SKI: variants seen among roughly 807,000 people sequenced by gnomAD.
The protein encoded by SKI is ski oncogene.
Under a neutral mutation model 59.3 loss-of-function variants are expected in SKI, and 23 were observed. The ratio of observed to expected loss-of-function variants is 0.39; its 90% CI spans 0.28 to 0.55. The LOEUF (loss-of-function observed/expected upper bound fraction) is 0.55, where lower values mean the gene tolerates loss of function less well. Among genes scored for constraint, SKI ranks in the 20% least tolerant of loss-of-function variants. The pLI, the probability that SKI is intolerant of heterozygous loss-of-function variation, is 0.67. For missense variants in SKI, 1,017 were observed against 1,038.9 expected (o/e 0.98, Z 0.29); for synonymous variants, 673 against 488.6 (o/e 1.38, Z -4.98).
chr1:2,303,785 T>C lies in SKI; in HGVS notation c.1212-55T>C. The C allele has an allele frequency of 6.2e-7, 1 of 1,603,508 alleles. No individual in the cohort carries two copies. Among genetic ancestry groups the C allele is most frequent in the Non-Finnish European group, 8.5e-7 (1 of 1,175,836 alleles). On this transcript the variant is annotated intron_variant, in intron 3 of 6. Transcript: ENST00000378536. This position sits in a 1 kb window ranked among gnomAD's most constrained non-coding sequence, Gnocchi z 5.6. ...CAGAGGGGGTGTGCGCCAGGATGTG[T>C]CTGGGTGGTGCTTGGGGACAGAGGC...
chr1:2,299,484 C>T (rs1027739746), intron 1 of SKI, among the ~76,000 whole-genome samples: 4 of 152,198 alleles, frequency 2.6e-5, no homozygotes, highest in Non-Finnish European at 5.9e-5. Context: ...CTGCTGCACT[C>T]GGTTCTGGAT....
intron 1 of SKI, among the ~76,000 whole-genome samples, chr1:2,290,314 A>C (rs1287717559): frequency 6.6e-6 from 1 of 151,504 alleles, no homozygotes; most frequent in Non-Finnish European, 1.5e-5. Flanking sequence ...TGTGATGGGG[A>C]CTCTTGACTG....
intron 1 of SKI, among the ~76,000 whole-genome samples, chr1:2,276,695 G>C (rs763330406): frequency 7.2e-5 from 11 of 152,246 alleles, no homozygotes; most frequent in Non-Finnish European, 1.5e-4. Context: ...CCAACCTGGG[G>C]TGTTCCACCA....
At chr1:2,305,129 G>A (rs1188025246) in intron 5 of SKI, among the ~76,000 whole-genome samples, 4 of 152,266 alleles carry the variant, frequency 2.6e-5, no homozygotes, top group Admixed American at 6.5e-5. Context: ...GGCTCGGCCC[G>A]CACAGACACA....
At chr1:2,257,502 C>G (rs956390778) in intron 1 of SKI, among the ~76,000 whole-genome samples, 4 of 152,248 alleles carry the variant, frequency 2.6e-5, no homozygotes, top group Non-Finnish European at 5.9e-5. Context: ...TGCTTGGCCC[C>G]CAGCCGCCTC....
chr1:2,241,540 C>G (rs1013629056), intron 1 of SKI, among the ~76,000 whole-genome samples: 7 of 152,132 alleles, frequency 4.6e-5, no homozygotes, highest in Non-Finnish European at 8.8e-5. Flanking sequence ...CTACAGGTGC[C>G]CGCCACCGTG....
intron 1 of SKI, among the ~76,000 whole-genome samples, chr1:2,290,238 G>T (rs1323717018): frequency 6.6e-6 from 1 of 152,162 alleles, no homozygotes; most frequent in Non-Finnish European, 1.5e-5. Context: ...CCTGGGAAGA[G>T]GCTACTTCTC....
intron 1 of SKI, among the ~76,000 whole-genome samples, chr1:2,287,376 G>T (rs1430405678): frequency 7.0e-6 from 1 of 142,920 alleles, no homozygotes; most frequent in Non-Finnish European, 1.5e-5. Flanking sequence ...TGGCTCTGTC[G>T]CCCAGGCTGG....
chr1:2,251,559 G>A (rs1639148294), intron 1 of SKI, among the ~76,000 whole-genome samples: 1 of 152,166 alleles, frequency 6.6e-6, no homozygotes, highest in African/African-American at 2.4e-5. Context: ...GGGCCATCGA[G>A]GCTCATCCCC....
intron 1 of SKI, among the ~76,000 whole-genome samples, chr1:2,301,678 G>A (rs564091186): frequency 1.3e-5 from 2 of 151,886 alleles, no homozygotes; most frequent in East Asian, 1.9e-4. Context: ...CTGATGCAGC[G>A]TCTTCTCCTA....
intron 1 of SKI, among the ~76,000 whole-genome samples, chr1:2,253,371 C>G (rs980414979): frequency 2.6e-5 from 4 of 152,202 alleles, no homozygotes; most frequent in African/African-American, 9.7e-5. Flanking sequence ...GCTCCCCAGA[C>G]TTTAGGTGTC....
intron 1 of SKI, among the ~76,000 whole-genome samples, chr1:2,263,597 C>T (rs1192952758): frequency 1.3e-5 from 2 of 151,750 alleles, no homozygotes; most frequent in African/African-American, 2.4e-5. Context: ...CTTCTTCTTC[C>T]CGTGTATCTT....
chr1:2,238,360 C>T (rs182141540), intron 1 of SKI, among the ~76,000 whole-genome samples: 1 of 152,352 alleles, frequency 6.6e-6, no homozygotes, highest in Non-Finnish European at 1.5e-5. Context: ...ATGCTGTTCC[C>T]TGCGCTTCCC....
intron 1 of SKI, among the ~76,000 whole-genome samples, chr1:2,231,505 C>CT (rs1557808824): frequency 6.6e-6 from 1 of 152,044 alleles, no homozygotes; most frequent in Non-Finnish European, 1.5e-5. Context: ...CTTCTCTCTC[C>CT]CTGTGGTTGT....
At chr1:2,248,590 G>A (rs1639048670) in intron 1 of SKI, among the ~76,000 whole-genome samples, 1 of 152,230 alleles carries the variant, frequency 6.6e-6, no homozygotes, top group Non-Finnish European at 1.5e-5. Flanking sequence ...ACCTGAGGCG[G>A]GGCGGCGCTC....
At position 2,308,685 on chromosome 1, in the gene SKI, T is replaced by G. The variant is rs1640661899; in HGVS notation, c.*1920T>G. The G allele has an allele frequency of 6.6e-6, 1 of 152,132 alleles. No individual in the cohort carries two copies. Among genetic ancestry groups the G allele is most frequent in the Non-Finnish European group, 1.5e-5 (1 of 68,026 alleles). 9.4% of individuals were successfully genotyped at this position (152,132 alleles called of 1,614,324 possible). A position where few individuals can be genotyped will look rare whatever the true frequency, so the allele number is the denominator to read the frequency against. ...CTTTAAGTGTGTTGGCGTGCTTCTG[T>G]GTGGCTGTCCTGTGTCGCCAGGTCG... On this transcript the variant is annotated 3_prime_UTR_variant, in exon 7 of 7. Coordinates refer to ENST00000378536, the MANE Select transcript of SKI (RefSeq NM_003036.4).
Position 2,306,195 on chromosome 1 carries a change from G to T in SKI, c.1943G>T (p.Arg648Leu), listed in dbSNP as rs1489484319. ...KRELEQARQA[R>L]VCDKGCEAGR... ...GAGCTGGAGCAGGCGCGGCAGGCCC[G>T]GGTGTGCGACAAGGGCTGCGAGGCG... is the stretch of plus-strand genomic sequence containing the variant. Residue 648 changes from arginine to leucine, a missense_variant, in exon 6 of 7, where the codon CGG becomes CTG. Arg to Leu is a moderately radical substitution (Grantham distance 102). Coordinates refer to ENST00000378536, the MANE Select transcript of SKI (RefSeq NM_003036.4). The T allele has an allele frequency of 4.4e-6, 7 of 1,583,334 alleles. No individual in the cohort carries two copies. Among genetic ancestry groups the T allele is most frequent in the Non-Finnish European group, 6.0e-6 (7 of 1,165,794 alleles).
chr1:2,305,108 A>G (rs1640535000), intron 5 of SKI, among the ~76,000 whole-genome samples: 2 of 152,214 alleles, frequency 1.3e-5, no homozygotes, highest in African/African-American at 2.4e-5. Flanking sequence ...CCTCCCGAGT[A>G]GGAAGGAGAG....
chr1:2,231,005 C>T (rs1485721990), intron 1 of SKI, among the ~76,000 whole-genome samples: 2 of 152,046 alleles, frequency 1.3e-5, no homozygotes, highest in Non-Finnish European at 1.5e-5. Context: ...GCGCTTCTGA[C>T]CCTGCCAGGC....
Sources: allele counts gnomAD v4.1 joint callset (sites outside exome capture counted in the v4.1 genomes callset), GRCh38; gene constraint gnomAD v4.1.1; non-coding constraint Gnocchi (gnomAD v3.1); transcripts MANE v1.5; gene names NCBI Gene and HGNC (gene_info 2026-07-23, HGNC 2026-07-21).